C8orf34: variants seen among roughly 807,000 people sequenced by gnomAD.
C8orf34 encodes chromosome 8 open reading frame 34.
C8orf34 carries 65 observed loss-of-function variants against 68.3 expected under a neutral mutation model. The observed-to-expected ratio is 0.95, with a 90% confidence interval of 0.78 to 1.17. The LOEUF (loss-of-function observed/expected upper bound fraction) is 1.17. Ranked by LOEUF, C8orf34 falls within the 50% of genes most tolerant of loss-of-function variation. C8orf34 has a pLI of 0.00. For missense variants in C8orf34, 664 were observed against 655.4 expected (o/e 1.01, Z -0.14); for synonymous variants, 244 against 241.2 (o/e 1.01, Z -0.11).
At chr8:68,550,303 A>G (rs576378105) in intron 7 of C8orf34, among the ~76,000 whole-genome samples, 3 of 151,832 alleles carry the variant, frequency 2.0e-5, no homozygotes, top group East Asian at 3.9e-4. Flanking sequence ...ATATATATTT[A>G]TAGCTATTCC....
chr8:68,426,518 C>CAAAAAAAAAA (rs753578060), intron 1 of C8orf34, among the ~76,000 whole-genome samples: 2 of 29,610 alleles, frequency 6.8e-5, no homozygotes, highest in Admixed American at 4.4e-4. Flanking sequence ...GACCTTGTCT[C>CAAAAAAAAAA]AAAAAAAAAA....
intron 6 of C8orf34, among the ~76,000 whole-genome samples, chr8:68,532,268 A>G (rs1815280269): frequency 6.6e-6 from 1 of 152,218 alleles, no homozygotes. Context: ...CAAAAGTTAT[A>G]GCACCATCTG....
intron 7 of C8orf34, among the ~76,000 whole-genome samples, chr8:68,608,411 C>A (rs998871020): frequency 1.3e-5 from 2 of 151,766 alleles, no homozygotes; most frequent in African/African-American, 4.8e-5. Flanking sequence ...GTTAAAGAGC[C>A]TTGAATTTTG....
chr8:68,794,873 C>T (rs929387112), intron 12 of C8orf34, among the ~76,000 whole-genome samples: 9 of 152,056 alleles, frequency 5.9e-5, no homozygotes, highest in South Asian at 2.1e-4. Flanking sequence ...TTCCTTTGTA[C>T]GTCATGTCAA....
chr8:68,703,286 G>C (rs1459716365), intron 8 of C8orf34, among the ~76,000 whole-genome samples: 1 of 152,026 alleles, frequency 6.6e-6, no homozygotes, highest in African/African-American at 2.4e-5. Flanking sequence ...ACAAACCTTG[G>C]AACAGAATTT....
At chr8:68,409,509 GA>G (rs889026962) in intron 1 of C8orf34, among the ~76,000 whole-genome samples, 1 of 152,138 alleles carries the variant, frequency 6.6e-6, no homozygotes, top group Non-Finnish European at 1.5e-5. Flanking sequence ...AGGGTATAAA[GA>G]AAATATTTTT....
chr8:68,693,417 A>G (rs1301520960), intron 8 of C8orf34, among the ~76,000 whole-genome samples: 1 of 152,100 alleles, frequency 6.6e-6, no homozygotes, highest in African/African-American at 2.4e-5. Context: ...ACTTGGGGAC[A>G]ATTTCTTTAC....
At chr8:68,529,603 T>C (rs1051243055) in intron 6 of C8orf34, among the ~76,000 whole-genome samples, 1 of 152,146 alleles carries the variant, frequency 6.6e-6, no homozygotes, top group African/African-American at 2.4e-5. Context: ...CCACAGACCC[T>C]CTGGAATGTA....
intron 1 of C8orf34, among the ~76,000 whole-genome samples, chr8:68,334,915 C>A (rs113275376): frequency 6.6e-6 from 1 of 152,328 alleles, no homozygotes; most frequent in East Asian, 1.9e-4. Flanking sequence ...TGGTACCCCA[C>A]GGCACTTCTT....
intron 7 of C8orf34, among the ~76,000 whole-genome samples, chr8:68,578,500 G>C (rs116664710): frequency 1.0e-3 from 154 of 152,040 alleles, no homozygotes; most frequent in African/African-American, 3.5e-3. Context: ...GTTATATATA[G>C]AACAGCCTTG....
intron 7 of C8orf34, among the ~76,000 whole-genome samples, chr8:68,540,987 G>T (rs1815680338): frequency 6.6e-6 from 1 of 152,172 alleles, no homozygotes; most frequent in South Asian, 2.1e-4. Flanking sequence ...TTTGTGTTCA[G>T]ATAGCCCTTG....
chr8:68,700,170 A>C (rs1234875984), intron 8 of C8orf34, among the ~76,000 whole-genome samples: 1 of 152,112 alleles, frequency 6.6e-6, no homozygotes, highest in East Asian at 1.9e-4. Context: ...CAAACAAACA[A>C]AAAAACTAGA....
rs1159343278 is a variant in C8orf34 at position 68,711,416 on chromosome 8, A to G, written c.1327+2337A>G. On this transcript the variant is annotated intron_variant, in intron 9 of 13. Coordinates refer to ENST00000518698, the MANE Select transcript of C8orf34 (RefSeq NM_052958.4). ...AGTCCAACTTACATAAATCAAAAAC[A>G]TAATTCAGGATATGGAAGGAAAATT... Among the ~76,000 whole-genome samples, 4 of 152,172 alleles carry G rather than the reference A, an allele frequency of 2.6e-5. 1 individual carries two copies. Among genetic ancestry groups the G allele is most frequent in the Non-Finnish European group, 5.9e-5 (4 of 68,020 alleles).
chr8:68,408,000 A>G (rs1809273057), intron 1 of C8orf34, among the ~76,000 whole-genome samples: 1 of 152,100 alleles, frequency 6.6e-6, no homozygotes, highest in South Asian at 2.1e-4. Flanking sequence ...CAGGTCCATG[A>G]CCTGTTAGGA....
chr8:68,602,060 C>T (rs1035821545), intron 7 of C8orf34, among the ~76,000 whole-genome samples: 1 of 152,088 alleles, frequency 6.6e-6, no homozygotes, highest in Non-Finnish European at 1.5e-5. Flanking sequence ...CCTCGTGGGG[C>T]CTACTGACAC....
At chr8:68,446,295 T>C in intron 2 of C8orf34, 34 bp from the exon 3 acceptor site, 2 of 1,542,158 alleles carry the variant, frequency 1.3e-6, no homozygotes, top group Non-Finnish European at 1.7e-6. Context: ...TGAAATCACT[T>C]TGTTGCCATT....
chr8:68,413,810 T>C (rs1317824359), intron 1 of C8orf34, among the ~76,000 whole-genome samples: 1 of 152,210 alleles, frequency 6.6e-6, no homozygotes, highest in Admixed American at 6.5e-5. Context: ...GACCTTTATA[T>C]AGTAGCCTGG....
At chr8:68,573,575 T>C (rs1481208839) in intron 7 of C8orf34, among the ~76,000 whole-genome samples, 1 of 152,160 alleles carries the variant, frequency 6.6e-6, no homozygotes, top group Non-Finnish European at 1.5e-5. Flanking sequence ...AGATGACTGG[T>C]ACAGGCCTAC....
At chr8:68,429,829 C>A (rs545140419) in intron 1 of C8orf34, among the ~76,000 whole-genome samples, 1 of 152,156 alleles carries the variant, frequency 6.6e-6, no homozygotes, top group Non-Finnish European at 1.5e-5. Context: ...TTTATTTTAA[C>A]ATTGACAACA....
Sources: gnomAD v4.1 joint callset for allele counts (sites outside exome capture counted in the v4.1 genomes callset) on GRCh38, gnomAD v4.1.1 for gene constraint, MANE v1.5 for transcripts, NCBI Gene and HGNC (gene_info 2026-07-23, HGNC 2026-07-21) for gene names.